ASIC2: variants seen among roughly 807,000 people sequenced by gnomAD.
ASIC2 encodes acid sensing ion channel subunit 2.
In ASIC2, 25 loss-of-function variants were observed where a neutral mutation model predicts 57.3. The ratio of observed to expected loss-of-function variants is 0.44; its 90% CI spans 0.32 to 0.61. The LOEUF (loss-of-function observed/expected upper bound fraction) is 0.61. Ranked by LOEUF, ASIC2 falls within the 20% of genes least tolerant of loss-of-function variation. The probability of loss-of-function intolerance (pLI) is 0.06; values close to 1 mark genes in which losing one functional copy is unlikely to be tolerated. For synonymous variants in ASIC2, 319 were observed against 307.5 expected (o/e 1.04, Z -0.39); for missense variants, 641 against 738.1 (o/e 0.87, Z 1.52).
intron 2 of ASIC2, among the ~76,000 whole-genome samples, chr17:33,099,106 C>T (rs1411281889): frequency 6.6e-6 from 1 of 152,032 alleles, no homozygotes; most frequent in Non-Finnish European, 1.5e-5. Context: ...GACTCTCCTG[C>T]ATCAACTGCC....
At chr17:33,065,468 T>C (rs1475898469) in intron 3 of ASIC2, among the ~76,000 whole-genome samples, 1 of 152,092 alleles carries the variant, frequency 6.6e-6, no homozygotes, top group African/African-American at 2.4e-5. Flanking sequence ...CACCACCACA[T>C]CTGGCTAATT....
chr17:34,127,565 G>A (rs968378536), intron 1 of ASIC2, among the ~76,000 whole-genome samples: 10 of 152,072 alleles, frequency 6.6e-5, no homozygotes, highest in African/African-American at 2.2e-4. Context: ...TTTTCTCTAC[G>A]TATAGGTAGC....
intron 1 of ASIC2, among the ~76,000 whole-genome samples, chr17:33,877,698 CA>C (rs1914588140): frequency 6.6e-6 from 1 of 152,236 alleles, no homozygotes; most frequent in Admixed American, 6.5e-5. Flanking sequence ...CACAGCCAAA[CA>C]AAAGGCAGCA....
intron 1 of ASIC2, among the ~76,000 whole-genome samples, chr17:33,548,079 A>AT (rs1158631550): frequency 2.0e-5 from 3 of 152,210 alleles, no homozygotes; most frequent in African/African-American, 7.2e-5. Flanking sequence ...ATAATTATAT[A>AT]TTAAAAAGTT....
intron 1 of ASIC2, among the ~76,000 whole-genome samples, chr17:34,052,001 A>G (rs934118602): frequency 6.6e-6 from 1 of 152,126 alleles, no homozygotes; most frequent in Non-Finnish European, 1.5e-5. Context: ...TTTGCTTAGC[A>G]CTAAGGGAAT....
Position 33,148,319 on chromosome 17 carries a change from G to C in ASIC2, c.709-36252C>G, listed in dbSNP as rs547572020. 2.0e-5 allele frequency among the ~76,000 whole-genome samples: 3 copies of C among 152,320 alleles called. 1 individual carries two copies. Among genetic ancestry groups the C allele is most frequent in the Middle Eastern group, 6.8e-3 (2 of 294 alleles). Reference sequence around the variant, plus strand: ...CACAGGTAACTGAATTGGGGTTCAGGAAGGAGAAATGAACTGCCCAAGGTC... The same window carrying C: ...CACAGGTAACTGAATTGGGGTTCAGCAAGGAGAAATGAACTGCCCAAGGTC... On this transcript the variant is annotated intron_variant, in intron 1 of 9. Transcript: ENST00000225823.
intron 1 of ASIC2, among the ~76,000 whole-genome samples, chr17:33,324,598 C>G (rs930764260): frequency 6.6e-6 from 1 of 152,178 alleles, no homozygotes; most frequent in African/African-American, 2.4e-5. Flanking sequence ...AGACTGGGTG[C>G]CTGCTGCTTC....
At chr17:34,035,690 AAAAC>A (rs1477023194) in intron 1 of ASIC2, among the ~76,000 whole-genome samples, 3 of 152,246 alleles carry the variant, frequency 2.0e-5, no homozygotes, top group South Asian at 2.1e-4. Flanking sequence ...TTACAAGAAA[AAAAC>A]AAACAACCCC....
intron 1 of ASIC2, among the ~76,000 whole-genome samples, chr17:33,119,315 G>A (rs973835631): frequency 5.9e-5 from 9 of 152,168 alleles, no homozygotes; most frequent in Middle Eastern, 3.4e-3. Context: ...AGTCAATTCC[G>A]CTTTCTTCTC....
chr17:34,148,504 A>T (rs1439271288), intron 1 of ASIC2, among the ~76,000 whole-genome samples: 1 of 152,248 alleles, frequency 6.6e-6, no homozygotes, highest in African/African-American at 2.4e-5. Flanking sequence ...ATGAAAAATC[A>T]TCTATTTTGC....
chr17:33,592,154 C>A (rs8081268), intron 1 of ASIC2, among the ~76,000 whole-genome samples: 22 of 152,190 alleles, frequency 1.4e-4, no homozygotes, highest in South Asian at 4.2e-4. Context: ...AGGAGGGCCC[C>A]TCCTCATGGA....
At chr17:33,887,672 G>A (rs1914860807) in intron 1 of ASIC2, among the ~76,000 whole-genome samples, 1 of 152,134 alleles carries the variant, frequency 6.6e-6, no homozygotes, top group Admixed American at 6.5e-5. Context: ...GGGATGAGGA[G>A]TTCTTGTTAG....
intron 1 of ASIC2, among the ~76,000 whole-genome samples, chr17:33,148,801 T>C (rs1904667125): frequency 6.6e-6 from 1 of 152,152 alleles, no homozygotes; most frequent in South Asian, 2.1e-4. Context: ...TTATAAAAAA[T>C]AAAAACTTGA....
intron 1 of ASIC2, among the ~76,000 whole-genome samples, chr17:33,775,137 T>C (rs886222044): frequency 4.6e-5 from 7 of 152,208 alleles, no homozygotes; most frequent in African/African-American, 1.7e-4. Context: ...CATGGAGAGT[T>C]CTGAAGAACA....
intron 1 of ASIC2, among the ~76,000 whole-genome samples, chr17:33,450,215 G>A (rs17836818): frequency 0.22 from 32,775 of 152,170 alleles, 3,866 homozygotes; most frequent in Middle Eastern, 0.34. Context: ...GTTTAGGCAC[G>A]CTCCGTATAC....
intron 1 of ASIC2, among the ~76,000 whole-genome samples, chr17:33,577,131 ATGTTGAAGACAG>A (rs1916649597): frequency 6.6e-6 from 1 of 152,034 alleles, no homozygotes; most frequent in South Asian, 2.1e-4. Context: ...TGAGAAGACA[ATGTTGAAGACAG>A]TTAGCCCTCT....
intron 1 of ASIC2, among the ~76,000 whole-genome samples, chr17:33,206,540 G>A (rs921544309): frequency 3.9e-5 from 6 of 152,198 alleles, no homozygotes; most frequent in Non-Finnish European, 8.8e-5. Context: ...TGAATTATGA[G>A]TATAGGCCTC....
rs142809774 is a variant in ASIC2 at position 33,921,775 on chromosome 17, C to T, written c.555+234203G>A. 4.9e-4 allele frequency among the ~76,000 whole-genome samples: 75 copies of T among 152,280 alleles called. No individual in the cohort carries two copies. In the East Asian group the frequency reaches 0.012, roughly 25 times the overall value. ...AGTGCATTCAGTCCTGATGACCTGG[C>T]ATACATCTCTGACAAGGTGGGAAGT... On this transcript the variant is annotated intron_variant, in intron 1 of 9. Coordinates refer to the ASIC2 transcript ENST00000359872.
At position 33,719,799 on chromosome 17, in the gene ASIC2, C is replaced by G. The variant is rs985290884; in HGVS notation, c.555+436179G>C. Reference sequence around the variant, plus strand: ...GCTTCAGTGCTATTGCCCTTCCTATCCCAAATTCCAAACTTATCCCTTCAA... The same window carrying G: ...GCTTCAGTGCTATTGCCCTTCCTATGCCAAATTCCAAACTTATCCCTTCAA... On this transcript the variant is annotated intron_variant, in intron 1 of 9. Transcript: ENST00000359872. Among the ~76,000 whole-genome samples the G allele has an allele frequency of 5.3e-5, 8 of 152,224 alleles. No homozygotes were observed. In the East Asian group the frequency reaches 1.5e-3, roughly 29 times the overall value.
Sources: gnomAD v4.1 joint callset for allele counts (sites outside exome capture counted in the v4.1 genomes callset) on GRCh38, gnomAD v4.1.1 for gene constraint, MANE v1.5 for transcripts, NCBI Gene and HGNC (gene_info 2026-07-23, HGNC 2026-07-21) for gene names.